IGSF3: variants seen among roughly 807,000 people sequenced by gnomAD.
IGSF3 encodes the protein glu-Trp-Ile EWI motif-containing protein 3.
IGSF3 carries 23 observed loss-of-function variants against 114.4 expected under a neutral mutation model. The ratio of observed to expected loss-of-function variants is 0.20; its 90% CI spans 0.14 to 0.28. The LOEUF is 0.28. Ranked by LOEUF, IGSF3 falls within the 10% of genes least tolerant of loss-of-function variation. The pLI, the probability that IGSF3 is intolerant of heterozygous loss-of-function variation, is 1.00. For synonymous variants in IGSF3, 571 were observed against 645.2 expected, an observed-to-expected ratio of 0.88 and a Z score of 1.74; for missense variants, 1,172 against 1,591.5, an observed-to-expected ratio of 0.74 and a Z score of 4.48.
Position 116,624,368 on chromosome 1 carries a change from C to G in IGSF3, c.44-7911G>C, listed in dbSNP as rs1015458794. On this transcript the variant is annotated intron_variant, in intron 2 of 10. Coordinates refer to ENST00000369486, the MANE Select transcript of IGSF3 (RefSeq NM_001007237.3). This position sits in a 1 kb window ranked among gnomAD's most constrained non-coding sequence, Gnocchi z 4.9. The stretch of plus-strand genomic sequence containing the variant: ...TAGCTGTGAGATCTTGGGCTGGTTA[C>G]TTAACCTCTCTGCACCTCAGTTTCC... 3.9e-5 allele frequency among the ~76,000 whole-genome samples: 6 copies of G among 152,204 alleles called. No homozygotes were observed. Among genetic ancestry groups the G allele is most frequent in the Admixed American group, 3.9e-4 (6 of 15,282 alleles).
intron 2 of IGSF3, among the ~76,000 whole-genome samples, chr1:116,617,062 G>A (rs566025746): frequency 6.4e-4 from 97 of 152,144 alleles, no homozygotes; most frequent in Non-Finnish European, 1.0e-3. Context: ...GGCTGCTATC[G>A]TTTTAAGCTG....
In IGSF3 at chr1:116,665,798, T is replaced by TCC. The variant is rs1205573845; in HGVS notation, c.43+484_43+485dup. On this transcript the variant is annotated intron_variant, in intron 2 of 10. Transcript: ENST00000369486. The surrounding 1 kb of genome is among the most constrained non-coding windows in gnomAD (Gnocchi z 4.0). ...TCAGACCACTCAGGTAGGCAAAGCA[T>TCC]CCCTTCAACCCCCATCCCACTTACT... is the stretch of plus-strand genomic sequence containing the variant. Among the ~76,000 whole-genome samples the TCC allele has an allele frequency of 1.3e-5, 2 of 152,092 alleles. No individual in the cohort carries two copies. The highest frequency in any genetic ancestry group is 4.8e-5 in the African/African-American group (2 of 41,406).
Position 116,595,239 on chromosome 1 carries a change from C to T in IGSF3, c.2029+4702G>A, listed in dbSNP as rs531414604. Among the ~76,000 whole-genome samples, 96 of 152,290 alleles carry T rather than the reference C, an allele frequency of 6.3e-4. No individual in the cohort carries two copies. The highest frequency in any genetic ancestry group is 5.8e-3 in the South Asian group (28 of 4,824). On this transcript the variant is annotated intron_variant, in intron 7 of 10. Coordinates refer to ENST00000369486, the MANE Select transcript of IGSF3 (RefSeq NM_001007237.3). The surrounding 1 kb of genome is among the most constrained non-coding windows in gnomAD (Gnocchi z 4.2). ...TCCTTGATGCCAATAACAAGTGCCCCGGTGTTACCATGACAACAGGCCTGA... is the reference window on the plus strand; with the variant it reads ...TCCTTGATGCCAATAACAAGTGCCCTGGTGTTACCATGACAACAGGCCTGA...
At chr1:116,645,976 G>A (rs1648350624) in intron 2 of IGSF3, among the ~76,000 whole-genome samples, 1 of 152,188 alleles carries the variant, frequency 6.6e-6, no homozygotes, top group Non-Finnish European at 1.5e-5. Flanking sequence ...TTGGTGGGTG[G>A]GGCACAAAGT....
chr1:116,621,539 C>T (rs1661419044), intron 2 of IGSF3, among the ~76,000 whole-genome samples: 2 of 152,294 alleles, frequency 1.3e-5, no homozygotes, highest in East Asian at 3.9e-4. Flanking sequence ...ATGTTACTGA[C>T]TTTCTGAACC....
Position 116,584,579 on chromosome 1 carries a change from C to T in IGSF3, c.2848+66G>A, listed in dbSNP as rs762706885. ...ATTAATAAACTAATTTTATCCAGTG[C>T]ATAAAACAGTATACTTAAATGGGAA... is the stretch of plus-strand genomic sequence containing the variant. On this transcript the variant is annotated intron_variant, in intron 9 of 10. Transcript: ENST00000369486. This position sits in a 1 kb window ranked among gnomAD's most constrained non-coding sequence, Gnocchi z 5.8. 3.4e-6 allele frequency: 5 copies of T among 1,450,872 alleles called. No individual in the cohort carries two copies. The highest frequency in any genetic ancestry group is 4.8e-6 in the Non-Finnish European group (5 of 1,035,774). The allele number at this position is 1,450,872 out of a possible 1,614,324, so 89.9% of individuals were successfully genotyped here. A position where few individuals can be genotyped will look rare whatever the true frequency, so the allele number is the denominator to read the frequency against.
chr1:116,666,087 T>C (rs1649319601), intron 2 of IGSF3, among the ~76,000 whole-genome samples, 197 bp downstream of exon 2: 1 of 152,100 alleles, frequency 6.6e-6, no homozygotes, highest in African/African-American at 2.4e-5. Context: ...TTCTTATAGA[T>C]AACAAATGAT....
At position 116,615,646 on chromosome 1, in the gene IGSF3, AC is replaced by A. The variant is rs371804091; in HGVS notation, c.421+433del. ...TTCAATGTACAAGGTCTGAGCAAGG[AC>A]CCACAGCCACATGTGCTTCCTGCTT... On this transcript the variant is annotated intron_variant, in intron 3 of 10. Transcript: ENST00000369486. This position sits in a 1 kb window ranked among gnomAD's most constrained non-coding sequence, Gnocchi z 4.3. 5.8e-3 allele frequency among the ~76,000 whole-genome samples: 875 copies of A among 152,004 alleles called. 7 individuals are homozygous for A. Among genetic ancestry groups the A allele is most frequent in the African/African-American group, 0.02 (816 of 41,516 alleles).
Position 116,633,334 on chromosome 1 carries a change from G to T in IGSF3, c.44-16877C>A, listed in dbSNP as rs1647679227. Among the ~76,000 whole-genome samples, 1 of 152,172 alleles carries T rather than the reference G, an allele frequency of 6.6e-6. No homozygotes were observed. The highest frequency in any genetic ancestry group is 6.5e-5 in the Admixed American group (1 of 15,286). On this transcript the variant is annotated intron_variant, in intron 2 of 10. Coordinates refer to ENST00000369486, the MANE Select transcript of IGSF3 (RefSeq NM_001007237.3). This position sits in a 1 kb window ranked among gnomAD's most constrained non-coding sequence, Gnocchi z 4.3. ...CAGCAGAGTTGGTTTTGGTTTGGGG[G>T]TGTTTTTTGAGTTGGGTGGAAGAAG...
At chr1:116,641,450 T>C (rs146476527) in intron 2 of IGSF3, among the ~76,000 whole-genome samples, 9,007 of 135,644 alleles carry the variant, frequency 0.066, 937 homozygotes, top group African/African-American at 0.24. Context: ...GAGCCAAGAT[T>C]GTGCCACTGC....
chr1:116,577,215 A>G lies in IGSF3; in HGVS notation c.*97T>C. The G allele has an allele frequency of 2.2e-6, 3 of 1,353,548 alleles. No individual in the cohort carries two copies. The highest frequency in any genetic ancestry group is 2.6e-4 in the Middle Eastern group (1 of 3,780). The allele number at this position is 1,353,548 out of a possible 1,614,324, so 83.8% of individuals were successfully genotyped here. ...TCAAGTCTGACAACTTTCCACACAC[A>G]TGCACCCCAGAGTTTGGGTGCTGTC... On this transcript the variant is annotated 3_prime_UTR_variant, in exon 11 of 11. Transcript: ENST00000369486. The surrounding 1 kb of genome is among the most constrained non-coding windows in gnomAD (Gnocchi z 5.7).
chr1:116,617,190 G>A (rs1661254200), intron 2 of IGSF3: 1 of 583,876 alleles, frequency 1.7e-6, no homozygotes, highest in Admixed American at 6.3e-5. Flanking sequence ...GGACAGTCAG[G>A]CTACCCTTGA....
chr1:116,597,046 G>A (rs2101408506), intron 7 of IGSF3, among the ~76,000 whole-genome samples: 1 of 152,298 alleles, frequency 6.6e-6, no homozygotes, highest in East Asian at 1.9e-4. Context: ...AATAATCTCT[G>A]ATTACATAGC....
At chr1:116,599,421 A>AC (rs1324496523) in intron 7 of IGSF3, among the ~76,000 whole-genome samples, 21 of 128,470 alleles carry the variant, frequency 1.6e-4, no homozygotes, top group Non-Finnish European at 3.2e-5. Flanking sequence ...CACACACACA[A>AC]ACACACAGGT....
At position 116,584,547 on chromosome 1, in the gene IGSF3, ATAAT is replaced by A. The variant is rs1379438679; in HGVS notation, c.2848+94_2848+97del. 1.6e-6 allele frequency: 2 copies of A among 1,215,832 alleles called. No individual in the cohort carries two copies. Among genetic ancestry groups the A allele is most frequent in the Non-Finnish European group, 2.4e-6 (2 of 850,536 alleles). The allele number at this position is 1,215,832 out of a possible 1,614,324, so 75.3% of individuals were successfully genotyped here. On this transcript the variant is annotated intron_variant, in intron 9 of 10. Transcript: ENST00000369486. This position sits in a 1 kb window ranked among gnomAD's most constrained non-coding sequence, Gnocchi z 5.8. ...TAGACACTCATATATTTAACTGCAA[ATAAT>A]TTATTAATAAACTAATTTTATCCAG...
chr1:116,577,817 T>G lies in IGSF3; in HGVS notation c.3335-255A>C, dbSNP rs983057907. Among the ~76,000 whole-genome samples the G allele has an allele frequency of 6.6e-6, 1 of 152,318 alleles. No individual in the cohort carries two copies. Among genetic ancestry groups the G allele is most frequent in the Non-Finnish European group, 1.5e-5 (1 of 68,032 alleles). On this transcript the variant is annotated intron_variant, in intron 10 of 10. Coordinates refer to ENST00000369486, the MANE Select transcript of IGSF3 (RefSeq NM_001007237.3). The surrounding 1 kb of genome is among the most constrained non-coding windows in gnomAD (Gnocchi z 5.7). ...TTCCATTGAGAGCCATTATTGCTGC[T>G]TGGAAAGCCACATAATGAAACATAA...
intron 2 of IGSF3, among the ~76,000 whole-genome samples, chr1:116,635,558 T>C (rs1016261083): frequency 6.6e-6 from 1 of 152,232 alleles, no homozygotes; most frequent in Non-Finnish European, 1.5e-5. Context: ...TCCTTTCCAA[T>C]GCCCTACAAC....
intron 2 of IGSF3, among the ~76,000 whole-genome samples, chr1:116,660,193 C>G (rs1304662803): frequency 1.3e-5 from 2 of 152,204 alleles, no homozygotes; most frequent in African/African-American, 4.8e-5. Context: ...CCTGCTGAGG[C>G]CTTTGCATTA....
At position 116,662,076 on chromosome 1, in the gene IGSF3, CTT is replaced by C. The variant is rs571038765; in HGVS notation, c.43+4206_43+4207del. Among the ~76,000 whole-genome samples, 8 of 144,596 alleles carry C rather than the reference CTT, an allele frequency of 5.5e-5. No homozygotes were observed. The highest frequency in any genetic ancestry group is 2.0e-4 in the East Asian group (1 of 4,972). The allele number at this position is 144,596 out of a possible 152,430, so 94.9% of individuals were successfully genotyped here. A position where few individuals can be genotyped will look rare whatever the true frequency, so the allele number is the denominator to read the frequency against. ...AGCAATCTATCTTAGGCAAGTGACTCTTTTTTTTTTTTTGAGACAGAGTTTTG... is the reference window on the plus strand; with the variant it reads ...AGCAATCTATCTTAGGCAAGTGACTCTTTTTTTTTTTGAGACAGAGTTTTG... On this transcript the variant is annotated intron_variant, in intron 2 of 10. Coordinates refer to ENST00000369486, the MANE Select transcript of IGSF3 (RefSeq NM_001007237.3). The surrounding 1 kb of genome is among the most constrained non-coding windows in gnomAD (Gnocchi z 4.3).
Sources: gnomAD v4.1 joint callset for allele counts (sites outside exome capture counted in the v4.1 genomes callset) on GRCh38, gnomAD v4.1.1 for gene constraint, Gnocchi (gnomAD v3.1) non-coding constraint, MANE v1.5 for transcripts, NCBI Gene and HGNC (gene_info 2026-07-23, HGNC 2026-07-21) for gene names.